RBFOX1: variants seen among roughly 807,000 people sequenced by gnomAD.
RBFOX1 encodes the protein RNA binding protein fox-1 homolog 1.
A neutral mutation model predicts 57.7 loss-of-function variants in RBFOX1; 8 were observed. The ratio of observed to expected loss-of-function variants is 0.14; its 90% CI spans 0.08 to 0.25. The LOEUF is 0.25. Ranked by LOEUF, RBFOX1 falls within the 10% of genes least tolerant of loss-of-function variation. The pLI is 1.00. For missense variants in RBFOX1, 611 were observed against 548.5 expected (o/e 1.11, Z -1.14); for synonymous variants, 326 against 222.4 (o/e 1.47, Z -4.15).
At chr16:7,451,386 A>ATCCAAGTATTTCAACCTGGCAGG (rs1271577037) in intron 4 of RBFOX1, among the ~76,000 whole-genome samples, 6 of 152,156 alleles carry the variant, frequency 3.9e-5, no homozygotes, top group Non-Finnish European at 8.8e-5. Flanking sequence ...GAGCAGTGAA[A>ATCCAAGTATTTCAACCTGGCAGG]TCCAAGTATT....
chr16:6,998,789 C>T (rs1034901509), intron 3 of RBFOX1, among the ~76,000 whole-genome samples: 1 of 152,064 alleles, frequency 6.6e-6, no homozygotes, highest in Non-Finnish European at 1.5e-5. Flanking sequence ...AGACTCCAGT[C>T]TAAAATTCCT....
At position 6,019,347 on chromosome 16, in the gene RBFOX1, G is replaced by A; in HGVS notation, c.-772G>A. ...AGCCGCGCTGCCGCCGCCTCCTCCA[G>A]CCAGAGTCGGTGGGACTGGCTGCGC... On this transcript the variant is annotated 5_prime_UTR_variant, in exon 1 of 16. Coordinates refer to ENST00000550418, the MANE Select transcript of RBFOX1 (RefSeq NM_018723.4). This position sits in a 1 kb window ranked among gnomAD's most constrained non-coding sequence, Gnocchi z 4.2. 1.0e-6 allele frequency: 1 copy of A among 985,480 alleles called. No individual in the cohort carries two copies. Among genetic ancestry groups the A allele is most frequent in the Non-Finnish European group, 1.2e-6 (1 of 830,170 alleles). 61.0% of individuals were successfully genotyped at this position (985,480 alleles called of 1,614,324 possible).
intron 3 of RBFOX1, among the ~76,000 whole-genome samples, chr16:6,773,127 G>T (rs1476772736): frequency 1.5e-5 from 2 of 135,284 alleles, no homozygotes; most frequent in Non-Finnish European, 3.1e-5. Context: ...TGTATATTGG[G>T]GTGTGGGGTG....
intron 3 of RBFOX1, among the ~76,000 whole-genome samples, chr16:7,042,394 T>G (rs1195267075): frequency 6.6e-6 from 1 of 152,162 alleles, no homozygotes; most frequent in Non-Finnish European, 1.5e-5. Flanking sequence ...CAGATGGTAA[T>G]TCCCTCTTGA....
At chr16:6,267,493 C>T (rs569902298) in intron 1 of RBFOX1, among the ~76,000 whole-genome samples, 1 of 152,274 alleles carries the variant, frequency 6.6e-6, no homozygotes, top group South Asian at 2.1e-4. Context: ...TATCCAGTTG[C>T]AATGGAATCC....
At chr16:5,725,043 C>G (rs1282344853) in intron 3 of RBFOX1, among the ~76,000 whole-genome samples, 1 of 152,084 alleles carries the variant, frequency 6.6e-6, no homozygotes, top group Non-Finnish European at 1.5e-5. Context: ...TCAACCCTTT[C>G]CCTTGGGAGA....
chr16:6,642,217 C>G (rs2098497523), intron 2 of RBFOX1, among the ~76,000 whole-genome samples: 1 of 152,168 alleles, frequency 6.6e-6, no homozygotes, highest in South Asian at 2.1e-4. Flanking sequence ...AGCACACAAA[C>G]TTGCTGAGAG....
intron 2 of RBFOX1, among the ~76,000 whole-genome samples, chr16:5,566,124 C>A (rs1179207581): frequency 2.6e-5 from 4 of 152,128 alleles, no homozygotes; most frequent in Non-Finnish European, 4.4e-5. Flanking sequence ...GTCCATTAAA[C>A]CTTTTTTTCT....
At chr16:6,930,088 C>G (rs962537040) in intron 3 of RBFOX1, among the ~76,000 whole-genome samples, 3 of 152,182 alleles carry the variant, frequency 2.0e-5, no homozygotes, top group African/African-American at 4.8e-5. Context: ...TGCTGGTTTA[C>G]TCGGCCTGCT....
At chr16:6,449,468 G>A (rs777094003) in intron 2 of RBFOX1, among the ~76,000 whole-genome samples, 7 of 152,192 alleles carry the variant, frequency 4.6e-5, no homozygotes, top group African/African-American at 9.6e-5. Context: ...CTGCCTAAAC[G>A]TTTGTTTTCT....
intron 1 of RBFOX1, among the ~76,000 whole-genome samples, chr16:6,025,517 A>G (rs375636332): frequency 1.3e-5 from 2 of 152,172 alleles, no homozygotes. Context: ...GTGTGCCTGC[A>G]TGAGCAGCCG....
intron 4 of RBFOX1, among the ~76,000 whole-genome samples, chr16:7,393,010 A>G (rs543158279): frequency 2.0e-5 from 3 of 152,074 alleles, no homozygotes; most frequent in Non-Finnish European, 4.4e-5. Flanking sequence ...TATAGCTGGG[A>G]CTACAGGCCC....
In RBFOX1 at chr16:5,843,107, G is replaced by A. The variant is rs538744289; in HGVS notation, c.319-24196G>A. On this transcript the variant is annotated intron_variant, in intron 3 of 19. Transcript: ENST00000641259. ...CTCCCAAAGTGCTGGGATTACAGGC[G>A]TGAGCCACCACGCCAGGCCTATTAT... is the stretch of plus-strand genomic sequence containing the variant. Among the ~76,000 whole-genome samples the A allele has an allele frequency of 5.9e-5, 9 of 152,276 alleles. No individual in the cohort carries two copies. In the South Asian group the frequency reaches 6.2e-4, roughly 11 times the overall value.
At chr16:7,293,791 A>C (rs944756875) in intron 4 of RBFOX1, among the ~76,000 whole-genome samples, 4 of 152,132 alleles carry the variant, frequency 2.6e-5, no homozygotes, top group Non-Finnish European at 5.9e-5. Flanking sequence ...GATTCCTTAC[A>C]TCGTTCCTAG....
intron 4 of RBFOX1, among the ~76,000 whole-genome samples, chr16:7,310,508 A>C (rs2096283530): frequency 6.6e-6 from 1 of 152,188 alleles, no homozygotes; most frequent in Admixed American, 6.5e-5. Flanking sequence ...TCCTGTTGGT[A>C]TGTTTTATCA....
intron 2 of RBFOX1, among the ~76,000 whole-genome samples, chr16:6,462,087 G>C (rs1174658415): frequency 6.6e-6 from 1 of 152,140 alleles, no homozygotes; most frequent in Non-Finnish European, 1.5e-5. Flanking sequence ...GACAGTTCCA[G>C]AGACAATTTC....
At chr16:5,679,128 C>T (rs1050453725) in intron 3 of RBFOX1, among the ~76,000 whole-genome samples, 2 of 152,110 alleles carry the variant, frequency 1.3e-5, no homozygotes, top group African/African-American at 4.8e-5. Flanking sequence ...AGCTAATTGG[C>T]AAAGAGAAAC....
At chr16:5,683,543 C>G (rs1353706186) in intron 3 of RBFOX1, among the ~76,000 whole-genome samples, 1 of 151,916 alleles carries the variant, frequency 6.6e-6, no homozygotes, top group African/African-American at 2.4e-5. Flanking sequence ...GGCAGAAAAA[C>G]CTGAAAAGGA....
chr16:5,882,349 C>G (rs1442879042), intron 4 of RBFOX1, among the ~76,000 whole-genome samples: 2 of 152,182 alleles, frequency 1.3e-5, no homozygotes, highest in African/African-American at 4.8e-5. Context: ...ACAACAAAGC[C>G]TGCGGATGAG....
Sources: allele counts gnomAD v4.1 joint callset (sites outside exome capture counted in the v4.1 genomes callset), GRCh38; gene constraint gnomAD v4.1.1; non-coding constraint Gnocchi (gnomAD v3.1); transcripts MANE v1.5; gene names NCBI Gene and HGNC (gene_info 2026-07-23, HGNC 2026-07-21).